NOTCH1: variants seen among roughly 807,000 people sequenced by gnomAD.
NOTCH1 encodes notch receptor 1.
A neutral mutation model predicts 254.8 loss-of-function variants in NOTCH1; 37 were observed. The observed-to-expected ratio is 0.15, with a 90% confidence interval of 0.11 to 0.19. The LOEUF (loss-of-function observed/expected upper bound fraction) is 0.19, where lower values mean the gene tolerates loss of function less well. Ranked by LOEUF, NOTCH1 falls within the 10% of genes least tolerant of loss-of-function variation. The probability of loss-of-function intolerance (pLI) is 1.00; values close to 1 mark genes in which losing one functional copy is unlikely to be tolerated. For synonymous variants in NOTCH1, 1,731 were observed against 1,618.1 expected, an observed-to-expected ratio of 1.07 and a Z score of -1.68; for missense variants, 2,972 against 3,708.6, an observed-to-expected ratio of 0.80 and a Z score of 5.16.
rs897466480 is a variant in NOTCH1, at chr9:136,495,015, A to T, written c.*1056T>A. 2 of 398,842 alleles carry T rather than the reference A, an allele frequency of 5.0e-6. No individual in the cohort carries two copies. Among genetic ancestry groups the T allele is most frequent in the Admixed American group, 8.8e-5 (2 of 22,720 alleles). 24.7% of individuals were successfully genotyped at this position (398,842 alleles called of 1,614,324 possible). The stretch of plus-strand genomic sequence containing the variant: ...CAGCTCAATGTGCCCGGCTCTGGCA[A>T]GTCTCCTACAAAACACGGGAGCCCA... On this transcript the variant is annotated 3_prime_UTR_variant, in exon 34 of 34. Coordinates refer to ENST00000651671, the MANE Select transcript of NOTCH1 (RefSeq NM_017617.5).
In NOTCH1 at chr9:136,505,324, C is replaced by T. The variant is rs745794855; in HGVS notation, c.4572G>A (p.Ala1524=). The T allele has an allele frequency of 1.1e-5, 18 of 1,580,404 alleles. No homozygotes were observed. Among genetic ancestry groups the T allele is most frequent in the African/African-American group, 2.7e-5 (2 of 74,260 alleles). The part of the protein sequence containing the change: ...CLFDGFDCQR[A]EGQCNPLYDQ... ...CGCAGCCTTACTTGCACTGGCCTTC[C>T]GCACGCTGGCAGTCAAAGCCGTCGA... Residue 1524 remains alanine (A), a synonymous_variant, in exon 25 of 34, where the codon GCG becomes GCA. Transcript: ENST00000651671.
chr9:136,508,273 T>C lies in NOTCH1; in HGVS notation c.3284A>G (p.Asp1095Gly), dbSNP rs1211971714. 2 of 1,612,674 alleles carry C rather than the reference T, an allele frequency of 1.2e-6. No homozygotes were observed. The highest frequency in any genetic ancestry group is 2.7e-5 in the African/African-American group (2 of 74,904). Residue 1095 changes from aspartate to glycine, a missense_variant, in exon 20 of 34, where the codon GAC becomes GGC. This residue lies in a region of NOTCH1 where 1,343 missense variants were observed against 1,557.0 expected (regional missense o/e 0.86). Transcript: ENST00000651671. ...CACCTCACAGGACACGCTGGGCACG[T>C]CGCAGTAAAGGCCGGTCCAGCCGCT... ...CPSGWTGLYCDVPSVSCEVAA... is the reference protein window; with the variant it reads ...CPSGWTGLYCGVPSVSCEVAA...
intron 2 of NOTCH1, among the ~76,000 whole-genome samples, chr9:136,532,655 G>A (rs954721765): frequency 1.4e-4 from 21 of 152,214 alleles, no homozygotes; most frequent in Non-Finnish European, 2.5e-4. Flanking sequence ...CGCGGCAGTC[G>A]CCCAGCCACG....
chr9:136,526,507 G>C (rs998656856), intron 2 of NOTCH1, among the ~76,000 whole-genome samples: 32 of 152,324 alleles, frequency 2.1e-4, no homozygotes, highest in African/African-American at 7.5e-4. Context: ...CACCTGCTGG[G>C]CAAGACGGGG....
In NOTCH1 at chr9:136,500,305, C is replaced by T. The variant is rs149447944; in HGVS notation, c.5934+247G>A. Among the ~76,000 whole-genome samples the T allele has an allele frequency of 3.8e-4, 58 of 152,340 alleles. No individual in the cohort carries two copies. In the East Asian group the frequency reaches 0.011, roughly 29 times the overall value. ...CTGGGGGTGGGGAGGTGCTGCCTCA[C>T]TCAGCAGATCCCCCAGGCCTCCTGC... is the stretch of plus-strand genomic sequence containing the variant. On this transcript the variant is annotated intron_variant, in intron 31 of 33. Coordinates refer to ENST00000651671, the MANE Select transcript of NOTCH1 (RefSeq NM_017617.5).
intron 2 of NOTCH1, among the ~76,000 whole-genome samples, chr9:136,529,218 G>A (rs1388291693): frequency 6.6e-6 from 1 of 152,232 alleles, no homozygotes; most frequent in Non-Finnish European, 1.5e-5. Context: ...TATGTGGACT[G>A]GCTGGGGGGA....
At position 136,505,063 on chromosome 9, in the gene NOTCH1, C is replaced by T. The variant is rs1335169916; in HGVS notation, c.4628G>A (p.Gly1543Glu). Residue 1543 changes from glycine (G) to glutamate (E), a missense_variant, in exon 26 of 34, where the codon GGG (glycine) becomes GAG (glutamate). Coordinates refer to ENST00000651671, the MANE Select transcript of NOTCH1 (RefSeq NM_017617.5). Reference protein sequence around the residue: ...DQYCKDHFSDGHCDQGCNSAE... With the variant: ...DQYCKDHFSDEHCDQGCNSAE... ...GCTGTTGCAGCCCTGGTCGCAGTGC[C>T]CGTCGCTGAAGTGGTCCTTGCAGTA... The T allele has an allele frequency of 6.2e-7, 1 of 1,611,164 alleles. No individual in the cohort carries two copies. Among genetic ancestry groups the T allele is most frequent in the East Asian group, 2.2e-5 (1 of 44,868 alleles).
rs539418258 is a variant in NOTCH1 at position 136,502,819 on chromosome 9, T to TC, written c.5168-332dup. On this transcript the variant is annotated intron_variant, in intron 27 of 33. Coordinates refer to ENST00000651671, the MANE Select transcript of NOTCH1 (RefSeq NM_017617.5). The stretch of plus-strand genomic sequence containing the variant: ...TAGAGGGATTTTCAAGATACAAACT[T>TC]CAACACTTCACATGACACCGATCAA... 367 of 562,272 alleles carry TC rather than the reference T, an allele frequency of 6.5e-4. 2 individuals are homozygous for TC. In the East Asian group the frequency reaches 0.011, roughly 17 times the overall value. 34.8% of individuals were successfully genotyped at this position (562,272 alleles called of 1,614,324 possible).
In NOTCH1 at chr9:136,503,336, C is replaced by T. The variant is rs978561896; in HGVS notation, c.5019-6G>A. On this transcript the variant is annotated splice_polypyrimidine_tract_variant and splice_region_variant and intron_variant, in intron 26 of 33. Coordinates refer to ENST00000651671, the MANE Select transcript of NOTCH1 (RefSeq NM_017617.5). ...TCTCCAGGTAGACGATGGAGCTGGG[C>T]GGACAATCAGAGAGGGGCTGGGACC... The T allele has an allele frequency of 7.6e-5, 123 of 1,612,500 alleles. No homozygotes were observed. The highest frequency in any genetic ancestry group is 1.8e-4 in the Admixed American group (11 of 59,994).
chr9:136,497,191 G>C lies in NOTCH1; in HGVS notation c.6548C>G (p.Ser2183Cys), dbSNP rs1842930723. The C allele has an allele frequency of 2.5e-6, 4 of 1,612,832 alleles. No individual in the cohort carries two copies. Among genetic ancestry groups the C allele is most frequent in the South Asian group, 1.1e-5 (1 of 91,090 alleles). The change falls in exon 34 of 34, where the codon TCC becomes TGC. Residue 2183 changes from serine to cysteine, a missense_variant. Transcript: ENST00000651671. Reference protein sequence around the residue: ...AKDLKARRKKSQDGKGCLLDS... With the variant: ...AKDLKARRKKCQDGKGCLLDS... ...CAGCAGGCAGCCCTTGCCGTCCTGG[G>C]ACTTCTTCCTCCGTGCCTTGAGGTC... is the stretch of plus-strand genomic sequence containing the variant.
intron 4 of NOTCH1, among the ~76,000 whole-genome samples, chr9:136,522,475 A>C (rs546253391): frequency 6.6e-6 from 1 of 152,268 alleles, no homozygotes; most frequent in South Asian, 2.1e-4. Flanking sequence ...TGGCTTGGGA[A>C]GTGATGGTGC....
intron 31 of NOTCH1, 138 bp downstream of exon 31, chr9:136,500,414 C>T (rs1842977020): frequency 9.3e-7 from 1 of 1,073,404 alleles, no homozygotes; most frequent in Non-Finnish European, 1.4e-6. Context: ...TGCGAAGGTC[C>T]CAGGTGGAGG....
In NOTCH1 at chr9:136,500,663, A is replaced by G. The variant is rs1240783374; in HGVS notation, c.5823T>C (p.Ser1941=). The G allele has an allele frequency of 6.2e-7, 1 of 1,611,818 alleles. No individual in the cohort carries two copies. Among genetic ancestry groups the G allele is most frequent in the South Asian group, 1.1e-5 (1 of 91,074 alleles). ...CCTCCAGCAGGCGCTTGGCGGCATC[A>G]GAGCGTGAGTAGCGGGCGGCCAGGT... is the stretch of plus-strand genomic sequence containing the variant. ...ALHLAARYSR[S]DAAKRLLEAS... is the part of the protein sequence containing the mutation. The change falls in exon 31 of 34, where the codon TCT becomes TCC. Residue 1941 remains serine, a synonymous_variant. Coordinates refer to ENST00000651671, the MANE Select transcript of NOTCH1 (RefSeq NM_017617.5).
chr9:136,502,950 AC>A, intron 27 of NOTCH1: 1 of 698,616 alleles, frequency 1.4e-6, no homozygotes, highest in Middle Eastern at 2.3e-4. Flanking sequence ...AGAAGCAGGC[AC>A]CCACTTTCCC....
At chr9:136,498,838 C>G in intron 33 of NOTCH1, 61 bp downstream of exon 33, 6 of 1,586,768 alleles carry the variant, frequency 3.8e-6, no homozygotes, top group Non-Finnish European at 4.3e-6. Flanking sequence ...GTGGGTTTGG[C>G]CCTCACTTCT....
intron 10 of NOTCH1, 56 bp downstream of exon 10, chr9:136,515,925 C>T: frequency 2.1e-6 from 3 of 1,422,982 alleles, no homozygotes; most frequent in Admixed American, 1.8e-5. Context: ...GTTTCACTGC[C>T]CTGAGTGCCC....
intron 2 of NOTCH1, among the ~76,000 whole-genome samples, chr9:136,531,552 CA>C (rs1244991636): frequency 6.6e-6 from 1 of 152,206 alleles, no homozygotes; most frequent in Non-Finnish European, 1.5e-5. Context: ...CACCGAAACA[CA>C]AAACCCTAGG....
At position 136,544,122 on chromosome 9, in the gene NOTCH1, G is replaced by A; in HGVS notation, c.62-20C>T. 6.4e-7 allele frequency: 1 copy of A among 1,558,172 alleles called. No homozygotes were observed. The highest frequency in any genetic ancestry group is 8.7e-7 in the Non-Finnish European group (1 of 1,151,700). ...GCGGGCCTAGGCAGGGGCAGGAGAA[G>A]AGAGGTCAGTCTCACCCGCACCACC... is the stretch of plus-strand genomic sequence containing the variant. On this transcript the variant is annotated intron_variant, in intron 1 of 33. Coordinates refer to ENST00000651671, the MANE Select transcript of NOTCH1 (RefSeq NM_017617.5).
At chr9:136,537,611 C>T (rs1843674770) in intron 2 of NOTCH1, among the ~76,000 whole-genome samples, 1 of 152,212 alleles carries the variant, frequency 6.6e-6, no homozygotes, top group Non-Finnish European at 1.5e-5. Flanking sequence ...GCCTGGACAA[C>T]ATAGCAAGAC....
Sources: allele counts gnomAD v4.1 joint callset (sites outside exome capture counted in the v4.1 genomes callset), GRCh38; gene constraint gnomAD v4.1.1; regional missense constraint gnomAD v4.1.1; transcripts MANE v1.5; gene names NCBI Gene and HGNC (gene_info 2026-07-23, HGNC 2026-07-21).